MBOAT1: variants seen among roughly 807,000 people sequenced by gnomAD.
MBOAT1 encodes membrane-bound glycerophospholipid O-acyltransferase 1.
A neutral mutation model predicts 64.4 loss-of-function variants in MBOAT1; 67 were observed. The ratio of observed to expected loss-of-function variants is 1.04; its 90% CI spans 0.85 to 1.27. The LOEUF is 1.27. MBOAT1 is among the 50% of genes most tolerant of loss of function. The probability of loss-of-function intolerance (pLI) is 0.00; values close to 1 mark genes in which losing one functional copy is unlikely to be tolerated. For missense variants in MBOAT1, 563 were observed against 604.6 expected, an observed-to-expected ratio of 0.93 and a Z score of 0.72; for synonymous variants, 229 against 218.9, an observed-to-expected ratio of 1.05 and a Z score of -0.41.
intron 1 of MBOAT1, among the ~76,000 whole-genome samples, chr6:20,175,147 G>GA (rs1334062297): frequency 1.8e-4 from 27 of 151,760 alleles, no homozygotes; most frequent in African/African-American, 5.6e-4. Context: ...TCCCACAAAA[G>GA]AAAAAAAATT....
At chr6:20,120,198 C>T (rs188852927) in intron 8 of MBOAT1, among the ~76,000 whole-genome samples, 475 of 152,220 alleles carry the variant, frequency 3.1e-3, no homozygotes, top group African/African-American at 0.01. Flanking sequence ...GGAGAAGAAT[C>T]ATCTAACGTC....
chr6:20,195,373 T>C (rs1340130547), intron 1 of MBOAT1, among the ~76,000 whole-genome samples: 1 of 152,200 alleles, frequency 6.6e-6, no homozygotes, highest in African/African-American at 2.4e-5. Flanking sequence ...TTTGACATAC[T>C]CTTATGACTT....
chr6:20,117,101 G>A (rs960587479), intron 9 of MBOAT1, among the ~76,000 whole-genome samples: 17 of 152,170 alleles, frequency 1.1e-4, no homozygotes, highest in African/African-American at 3.4e-4. Context: ...GTGGTCCATC[G>A]TGACCGGGGA....
intron 1 of MBOAT1, among the ~76,000 whole-genome samples, chr6:20,177,140 T>G (rs1309187265): frequency 6.6e-6 from 1 of 152,160 alleles, no homozygotes; most frequent in Non-Finnish European, 1.5e-5. Flanking sequence ...GGGTGGTGTT[T>G]CAACAATTAA....
At chr6:20,111,805 C>CATATATATACAT (rs1760147461) in intron 11 of MBOAT1, among the ~76,000 whole-genome samples, 1 of 59,252 alleles carries the variant, frequency 1.7e-5, no homozygotes. Context: ...CCACTTTGTT[C>CATATATATACAT]ATATATATAC....
Position 20,175,283 on chromosome 6 carries a change from C to T in MBOAT1, c.100-22514G>A, listed in dbSNP as rs112111847. Among the ~76,000 whole-genome samples, 4 of 152,236 alleles carry T rather than the reference C, an allele frequency of 2.6e-5. 1 individual carries two copies. The highest frequency in any genetic ancestry group is 2.1e-4 in the South Asian group (1 of 4,834). On this transcript the variant is annotated intron_variant, in intron 1 of 12. Transcript: ENST00000324607. ...TTTTTTTCTTAGAGATGGGGTCTCA[C>T]TCTGTTGCCCAGGTGGGAGTGCAGT...
At chr6:20,109,866 T>A in intron 11 of MBOAT1, 117 bp from the exon 12 acceptor site, 1 of 804,036 alleles carries the variant, frequency 1.2e-6, no homozygotes. Context: ...ATAACCAACA[T>A]CTGAGTTGTA....
intron 4 of MBOAT1, among the ~76,000 whole-genome samples, chr6:20,138,044 C>T (rs1256529290): frequency 6.6e-6 from 1 of 152,170 alleles, no homozygotes; most frequent in Non-Finnish European, 1.5e-5. Flanking sequence ...AAATACCTCT[C>T]TAACTGGCAA....
chr6:20,175,934 C>T (rs369033317), intron 1 of MBOAT1, among the ~76,000 whole-genome samples: 1 of 152,120 alleles, frequency 6.6e-6, no homozygotes, highest in Admixed American at 6.5e-5. Context: ...AATATATATA[C>T]TTTTCTCTTC....
At chr6:20,200,710 G>A (rs1322165058) in intron 1 of MBOAT1, among the ~76,000 whole-genome samples, 1 of 152,136 alleles carries the variant, frequency 6.6e-6, no homozygotes, top group Non-Finnish European at 1.5e-5. Flanking sequence ...CCTGGGGAAT[G>A]TGAGCAGAGC....
intron 4 of MBOAT1, among the ~76,000 whole-genome samples, chr6:20,141,335 A>C (rs1443869587): frequency 1.5e-5 from 2 of 134,634 alleles, no homozygotes; most frequent in South Asian, 4.7e-4. Context: ...CCTCATTCTC[A>C]TTTTTTCTTT....
chr6:20,177,363 T>C (rs1762371696), intron 1 of MBOAT1, among the ~76,000 whole-genome samples: 1 of 152,184 alleles, frequency 6.6e-6, no homozygotes, highest in Admixed American at 6.5e-5. Context: ...GTTTGTTTTA[T>C]TTTTATTTTT....
At chr6:20,122,868 A>G (rs1479599315) in intron 8 of MBOAT1, among the ~76,000 whole-genome samples, 1 of 152,174 alleles carries the variant, frequency 6.6e-6, no homozygotes, top group East Asian at 1.9e-4. Flanking sequence ...GTCTTGCTCC[A>G]TCATCCAGGC....
At chr6:20,207,093 T>C (rs2113778399) in intron 1 of MBOAT1, among the ~76,000 whole-genome samples, 1 of 152,340 alleles carries the variant, frequency 6.6e-6, no homozygotes, top group South Asian at 2.1e-4. Flanking sequence ...AAAGCACATA[T>C]TTGTGCATAT....
At chr6:20,135,533 C>T (rs559640610) in intron 4 of MBOAT1, among the ~76,000 whole-genome samples, 4 of 152,210 alleles carry the variant, frequency 2.6e-5, no homozygotes, top group African/African-American at 9.6e-5. Context: ...ATAAAACCTA[C>T]CTATTTTACC....
At position 20,126,592 on chromosome 6, in the gene MBOAT1, C is replaced by G; in HGVS notation, c.639G>C (p.Lys213Asn). 6.2e-7 allele frequency: 1 copy of G among 1,614,060 alleles called. No homozygotes were observed. The highest frequency in any genetic ancestry group is 8.5e-7 in the Non-Finnish European group (1 of 1,179,976). Residue 213 changes from lysine to asparagine, a missense_variant, in exon 7 of 13, where the codon AAG (lysine) becomes AAC (asparagine). By Grantham distance (94) the Lys-to-Asn change is moderately conservative (BLOSUM62 0). Transcript: ENST00000324607. ...CCTCCAGCAACTTCATGTGTATATGCTTCCCCTCAATGAAGGCTATGTAGT... is the reference window on the plus strand; with the variant it reads ...CCTCCAGCAACTTCATGTGTATATGGTTCCCCTCAATGAAGGCTATGTAGT... Reference protein sequence around the residue: ...FKDYIAFIEGKHIHMKLLEVN... With the variant: ...FKDYIAFIEGNHIHMKLLEVN...
chr6:20,174,741 A>C (rs1351887118), intron 1 of MBOAT1, among the ~76,000 whole-genome samples: 1 of 152,220 alleles, frequency 6.6e-6, no homozygotes, highest in Non-Finnish European at 1.5e-5. Flanking sequence ...TATAGAATAC[A>C]TGGTCCTTCA....
At position 20,101,978 on chromosome 6, in the gene MBOAT1, A is replaced by G. The variant is rs371834335; in HGVS notation, c.*308T>C. Reference sequence around the variant, plus strand: ...AAAATACAAAAAATTAGCCGGGCGTAGTGGCGGGCGCCTGTAGTCCCAGCT... The same window carrying G: ...AAAATACAAAAAATTAGCCGGGCGTGGTGGCGGGCGCCTGTAGTCCCAGCT... On this transcript the variant is annotated 3_prime_UTR_variant, in exon 13 of 13. Coordinates refer to ENST00000324607, the MANE Select transcript of MBOAT1 (RefSeq NM_001080480.3). Among the ~76,000 whole-genome samples, 9 of 149,974 alleles carry G rather than the reference A, an allele frequency of 6.0e-5. No homozygotes were observed. The East Asian group carries it at 1.2e-3, about 20-fold the overall frequency.
intron 1 of MBOAT1, among the ~76,000 whole-genome samples, chr6:20,158,167 GAAAA>G (rs70990012): frequency 7.4e-6 from 1 of 135,560 alleles, no homozygotes; most frequent in Non-Finnish European, 1.6e-5. Context: ...AAAAAAAAAA[GAAAA>G]AAAAAAAAAG....
Sources: gnomAD v4.1 joint callset for allele counts (sites outside exome capture counted in the v4.1 genomes callset) on GRCh38, gnomAD v4.1.1 for gene constraint, MANE v1.5 for transcripts, NCBI Gene and HGNC (gene_info 2026-07-23, HGNC 2026-07-21) for gene names.